The following FMNL2 variants were observed in gnomAD, a reference collection of about 807,000 sequenced individuals.
FMNL2 encodes formin like 2.
Under a neutral mutation model 130.2 loss-of-function variants are expected in FMNL2, and 51 were observed. The ratio of observed to expected loss-of-function variants is 0.39; its 90% confidence interval spans 0.31 to 0.49. The LOEUF (loss-of-function observed/expected upper bound fraction) is 0.49. FMNL2 is among the 20% of genes least tolerant of loss of function. FMNL2 has a pLI of 0.85. For missense variants in FMNL2, 977 were observed against 1,316.2 expected (o/e 0.74, Z 3.99); for synonymous variants, 465 against 467.1 (o/e 1.00, Z 0.06).
chr2:152,521,133 A>G (rs564656686), intron 1 of FMNL2, among the ~76,000 whole-genome samples: 42 of 152,340 alleles, frequency 2.8e-4, no homozygotes, highest in African/African-American at 9.9e-4. Context: ...TTACTCTGCC[A>G]TGGTCTTTTG....
At chr2:152,348,851 G>A (rs111831209) in intron 1 of FMNL2, among the ~76,000 whole-genome samples, 4 of 82,720 alleles carry the variant, frequency 4.8e-5, no homozygotes, top group South Asian at 8.0e-4. Context: ...TTTTTGAGAC[G>A]GAGTCTCGCT....
intron 1 of FMNL2, among the ~76,000 whole-genome samples, chr2:152,391,637 T>A (rs528224285): frequency 5.3e-5 from 8 of 151,988 alleles, no homozygotes; most frequent in African/African-American, 1.9e-4. Context: ...GTTTTTGTTC[T>A]GAATGAGACA....
At chr2:152,397,843 G>T (rs1558827870) in intron 1 of FMNL2, among the ~76,000 whole-genome samples, 1 of 152,184 alleles carries the variant, frequency 6.6e-6, no homozygotes, top group Non-Finnish European at 1.5e-5. Context: ...AAAAGCTTTG[G>T]CTGGGTGCAG....
At chr2:152,531,055 A>G (rs960695189) in intron 2 of FMNL2, among the ~76,000 whole-genome samples, 9 of 152,234 alleles carry the variant, frequency 5.9e-5, no homozygotes, top group African/African-American at 1.9e-4. Flanking sequence ...ATCTTCAGGT[A>G]CTAGAAATAT....
chr2:152,356,838 C>T (rs1296979317), intron 1 of FMNL2, among the ~76,000 whole-genome samples: 1 of 151,438 alleles, frequency 6.6e-6, no homozygotes, highest in Non-Finnish European at 1.5e-5. Flanking sequence ...TGAGATGTGC[C>T]TTATGGAGAA....
chr2:152,422,563 C>T (rs1303869266), intron 1 of FMNL2, among the ~76,000 whole-genome samples: 2 of 151,634 alleles, frequency 1.3e-5, no homozygotes, highest in African/African-American at 2.4e-5. Flanking sequence ...CTTGCACTGT[C>T]ACCCAAGCTG....
intron 2 of FMNL2, among the ~76,000 whole-genome samples, chr2:152,529,912 G>C (rs1693598414): frequency 6.6e-6 from 1 of 152,184 alleles, no homozygotes; most frequent in Non-Finnish European, 1.5e-5. Flanking sequence ...CAAGGGCTTA[G>C]TCTCGTTTGA....
intron 1 of FMNL2, among the ~76,000 whole-genome samples, chr2:152,490,617 T>TGTGTGTGTGTGTG (rs1185966265): frequency 2.3e-4 from 8 of 34,292 alleles, no homozygotes; most frequent in Non-Finnish European, 3.1e-4. Flanking sequence ...GTGTGTGTGT[T>TGTGTGTGTGTGTG]GGATAAACTT....
At chr2:152,523,913 T>C (rs1693244742) in intron 2 of FMNL2, among the ~76,000 whole-genome samples, 1 of 152,148 alleles carries the variant, frequency 6.6e-6, no homozygotes, top group Admixed American at 6.6e-5. Context: ...AAATAATGGC[T>C]AATATGGAAG....
At chr2:152,625,268 T>A (rs1681702313) in intron 15 of FMNL2, 170 bp from the exon 16 acceptor site, 3 of 647,286 alleles carry the variant, frequency 4.6e-6, no homozygotes, top group Non-Finnish European at 7.3e-6. Context: ...CTCAAATGGC[T>A]CTGGCCAAGG....
intron 9 of FMNL2, among the ~76,000 whole-genome samples, chr2:152,597,400 C>T (rs980782844): frequency 3.9e-5 from 6 of 152,120 alleles, no homozygotes; most frequent in South Asian, 4.1e-4. Flanking sequence ...CTTCAATATG[C>T]GGCAGAAATG....
chr2:152,590,700 A>G (rs1272497577), intron 9 of FMNL2, among the ~76,000 whole-genome samples: 1 of 152,014 alleles, frequency 6.6e-6, no homozygotes, highest in African/African-American at 2.4e-5. Flanking sequence ...AGGATAAGAT[A>G]AATCATATAT....
chr2:152,402,376 C>T (rs185756977), intron 1 of FMNL2, among the ~76,000 whole-genome samples: 10 of 152,270 alleles, frequency 6.6e-5, no homozygotes, highest in Non-Finnish European at 1.3e-4. Context: ...TTTTGGGGAG[C>T]GGGCTCCAGG....
rs1197941133 is a variant in FMNL2, at chr2:152,432,275, C to T, written c.118-89668C>T. On this transcript the variant is annotated intron_variant, in intron 1 of 25. Transcript: ENST00000288670. ...CATTTCCACTTTGCTCCCATTCTGGCATTGCCTGTGTGGATTGAGCATGTG... is the reference window on the plus strand; with the variant it reads ...CATTTCCACTTTGCTCCCATTCTGGTATTGCCTGTGTGGATTGAGCATGTG... Among the ~76,000 whole-genome samples the T allele has an allele frequency of 9.2e-5, 14 of 152,196 alleles. No individual in the cohort carries two copies. The South Asian group carries it at 2.7e-3, about 29-fold the overall frequency.
At chr2:152,544,438 GA>G (rs1410978746) in intron 3 of FMNL2, among the ~76,000 whole-genome samples, 4 of 151,978 alleles carry the variant, frequency 2.6e-5, no homozygotes, top group Admixed American at 2.6e-4. Flanking sequence ...AATAAATACA[GA>G]CACACCCATA....
intron 1 of FMNL2, among the ~76,000 whole-genome samples, chr2:152,342,218 T>C (rs1681852818): frequency 6.6e-6 from 1 of 152,222 alleles, no homozygotes; most frequent in African/African-American, 2.4e-5. Flanking sequence ...CAAGGTAAAG[T>C]GGGCTCTCCA....
At chr2:152,525,124 C>T (rs1465205669) in intron 2 of FMNL2, among the ~76,000 whole-genome samples, 2 of 152,170 alleles carry the variant, frequency 1.3e-5, no homozygotes, top group East Asian at 1.9e-4. Flanking sequence ...ACATCTGTTT[C>T]CAAACTCTAC....
At chr2:152,619,217 G>A (rs1352617073) in intron 14 of FMNL2, 59 bp downstream of exon 14, 2 of 1,490,410 alleles carry the variant, frequency 1.3e-6, no homozygotes, top group African/African-American at 2.8e-5. Context: ...TTCTTCTTTT[G>A]CCAACTGTCC....
At chr2:152,540,697 G>A (rs1233831476) in intron 2 of FMNL2, among the ~76,000 whole-genome samples, 1 of 116,640 alleles carries the variant, frequency 8.6e-6, no homozygotes, top group South Asian at 3.8e-4. Flanking sequence ...GTGGTGGGGT[G>A]GGGGGAGGGG....
Sources: gnomAD v4.1 joint callset for allele counts (sites outside exome capture counted in the v4.1 genomes callset) on GRCh38, gnomAD v4.1.1 for gene constraint, MANE v1.5 for transcripts, NCBI Gene and HGNC (gene_info 2026-07-23, HGNC 2026-07-21) for gene names.